AUTS2: variants seen among roughly 807,000 people sequenced by gnomAD.
The protein encoded by AUTS2 is autism susceptibility gene 2 protein.
Under a neutral mutation model 112.4 loss-of-function variants are expected in AUTS2, and 17 were observed. The ratio of observed to expected loss-of-function variants is 0.15; its 90% CI spans 0.10 to 0.23. The LOEUF (loss-of-function observed/expected upper bound fraction) is 0.23, where lower values mean the gene tolerates loss of function less well. Ranked by LOEUF, AUTS2 falls within the 10% of genes least tolerant of loss-of-function variation. The pLI, the probability that AUTS2 is intolerant of heterozygous loss-of-function variation, is 1.00. For synonymous variants in AUTS2, 751 were observed against 702.7 expected, an observed-to-expected ratio of 1.07 and a Z score of -1.09; for missense variants, 1,510 against 1,701.6, an observed-to-expected ratio of 0.89 and a Z score of 1.98.
At chr7:70,001,217 T>G (rs1799176430) in intron 2 of AUTS2, among the ~76,000 whole-genome samples, 1 of 152,060 alleles carries the variant, frequency 6.6e-6, no homozygotes, top group Non-Finnish European at 1.5e-5. Context: ...CCTTGACCTC[T>G]AGGGCTTAAG....
intron 4 of AUTS2, among the ~76,000 whole-genome samples, chr7:70,275,513 A>G (rs1396455016): frequency 2.0e-5 from 3 of 152,196 alleles, no homozygotes; most frequent in Non-Finnish European, 4.4e-5. Context: ...AATGCCACTG[A>G]CCATATACTT....
chr7:70,720,315 C>G (rs931690065), intron 6 of AUTS2, among the ~76,000 whole-genome samples: 10 of 152,038 alleles, frequency 6.6e-5, no homozygotes, highest in African/African-American at 2.4e-4. Flanking sequence ...TAAGTACACC[C>G]GCTGCCTCGG....
At chr7:70,057,781 A>T (rs1802060039) in intron 2 of AUTS2, among the ~76,000 whole-genome samples, 1 of 152,174 alleles carries the variant, frequency 6.6e-6, no homozygotes, top group South Asian at 2.1e-4. Context: ...AAAATGCCTC[A>T]GTCAGGATAA....
chr7:70,064,221 G>A lies in AUTS2; in HGVS notation c.523-53911G>A, dbSNP rs973123068. Among the ~76,000 whole-genome samples the A allele has an allele frequency of 1.6e-4, 24 of 152,226 alleles. 1 individual carries two copies. The highest frequency in any genetic ancestry group is 2.9e-4 in the Non-Finnish European group (20 of 68,020). On this transcript the variant is annotated intron_variant, in intron 2 of 18. Coordinates refer to ENST00000342771, the MANE Select transcript of AUTS2 (RefSeq NM_015570.4). The stretch of plus-strand genomic sequence containing the variant: ...ACCATGCTGATTTAGTGCTAACTGG[G>A]GAGATTACAAATGCCTTGCCTGGCA...
At chr7:70,681,866 A>G (rs1808229433) in intron 5 of AUTS2, among the ~76,000 whole-genome samples, 2 of 152,012 alleles carry the variant, frequency 1.3e-5, no homozygotes, top group African/African-American at 4.8e-5. Context: ...ATTCGACCCC[A>G]TGTTTTGTGT....
chr7:69,770,844 A>G (rs938800427), intron 1 of AUTS2, among the ~76,000 whole-genome samples: 2 of 152,054 alleles, frequency 1.3e-5, no homozygotes, highest in Non-Finnish European at 2.9e-5. Context: ...TAATGACATC[A>G]TTTAACGTTA....
intron 4 of AUTS2, among the ~76,000 whole-genome samples, chr7:70,260,375 G>GA (rs945270647): frequency 6.6e-6 from 1 of 151,412 alleles, no homozygotes; most frequent in African/African-American, 2.4e-5. Context: ...CAAAAAAAAA[G>GA]AAAAAATACT....
chr7:69,917,800 G>C (rs902533751), intron 2 of AUTS2, among the ~76,000 whole-genome samples: 4 of 151,636 alleles, frequency 2.6e-5, no homozygotes, highest in African/African-American at 9.7e-5. Context: ...TTAGAATAAT[G>C]GTCTTCATTT....
rs1562868275 is a variant in AUTS2 at position 70,307,529 on chromosome 7, T to G, written c.661-128223T>G. On this transcript the variant is annotated intron_variant, in intron 4 of 18. Transcript: ENST00000342771. ...AGTGTGCTCACTAAAGTTTTTCTTA[T>G]GTGCCAGACACATGCTCTAGCTTTA... Among the ~76,000 whole-genome samples, 5 of 152,378 alleles carry G rather than the reference T, an allele frequency of 3.3e-5. No individual in the cohort carries two copies. The South Asian group carries it at 1.0e-3, about 32-fold the overall frequency.
chr7:69,845,132 A>G (rs1308252510), intron 1 of AUTS2, among the ~76,000 whole-genome samples: 5 of 152,198 alleles, frequency 3.3e-5, no homozygotes, highest in African/African-American at 7.2e-5. Context: ...TTCTGACCTC[A>G]TGATTATAAG....
At chr7:70,491,438 A>ACACATATACACATAATATATATGT (rs1491465652) in intron 5 of AUTS2, among the ~76,000 whole-genome samples, 3 of 139,424 alleles carry the variant, frequency 2.2e-5, no homozygotes, top group East Asian at 2.0e-4. Flanking sequence ...ACACACACAC[A>ACACATATACACATAATATATATGT]TATATACACA....
intron 1 of AUTS2, among the ~76,000 whole-genome samples, chr7:69,869,716 G>A (rs1793397056): frequency 6.6e-6 from 1 of 152,114 alleles, no homozygotes; most frequent in African/African-American, 2.4e-5. Context: ...GCTAAAAGAG[G>A]CAAAGTCAAT....
chr7:70,274,480 G>A (rs1190380615), intron 4 of AUTS2, among the ~76,000 whole-genome samples: 2 of 151,970 alleles, frequency 1.3e-5, no homozygotes. Flanking sequence ...TTTTTTTAGA[G>A]ACAGGGTTTT....
intron 5 of AUTS2, among the ~76,000 whole-genome samples, chr7:70,663,099 A>G (rs886772610): frequency 6.6e-6 from 1 of 152,212 alleles, no homozygotes; most frequent in Non-Finnish European, 1.5e-5. Context: ...AACTAGAATA[A>G]AGTTTAAGCT....
intron 1 of AUTS2, among the ~76,000 whole-genome samples, chr7:69,628,490 G>T (rs1315503282): frequency 1.3e-5 from 2 of 152,120 alleles, no homozygotes; most frequent in African/African-American, 2.4e-5. Flanking sequence ...TTGCCACTCT[G>T]TATTAGTTTT....
intron 3 of AUTS2, chr7:70,119,624 A>T (rs1584751330): frequency 6.6e-6 from 1 of 152,200 alleles, no homozygotes; most frequent in East Asian, 1.9e-4. Context: ...AACCTCCCAA[A>T]GTGCTGGGAT....
Position 69,745,284 on chromosome 7 carries a change from G to A in AUTS2, c.309+145322G>A, listed in dbSNP as rs983638102. On this transcript the variant is annotated intron_variant, in intron 1 of 18. Transcript: ENST00000342771. ...AGCTCCTTGATCCAAAGGGTACTTC[G>A]GGGGATGTAGGGCCAGATAGGTACA... Among the ~76,000 whole-genome samples, 21 of 152,126 alleles carry A rather than the reference G, an allele frequency of 1.4e-4. 1 individual carries two copies. Among genetic ancestry groups the A allele is most frequent in the African/African-American group, 4.8e-4 (20 of 41,432 alleles).
chr7:70,040,909 A>G (rs1191652658), intron 2 of AUTS2, among the ~76,000 whole-genome samples: 2 of 152,190 alleles, frequency 1.3e-5, no homozygotes, highest in East Asian at 3.9e-4. Context: ...ATGGCTTTTT[A>G]TACCTCAACA....
intron 4 of AUTS2, among the ~76,000 whole-genome samples, chr7:70,172,167 T>G (rs1236925245): frequency 6.6e-6 from 1 of 152,202 alleles, no homozygotes; most frequent in Non-Finnish European, 1.5e-5. Flanking sequence ...ACTTCCTATA[T>G]GGCCATGGAG....
Sources: allele counts gnomAD v4.1 joint callset (sites outside exome capture counted in the v4.1 genomes callset), GRCh38; gene constraint gnomAD v4.1.1; transcripts MANE v1.5; gene names NCBI Gene and HGNC (gene_info 2026-07-23, HGNC 2026-07-21).